Variants in SWAP70 observed in about 807,000 individuals in gnomAD.
The protein encoded by SWAP70 is switch-associated protein 70.
SWAP70 carries 34 observed loss-of-function variants against 80.2 expected under a neutral mutation model. That is an observed-to-expected ratio of 0.42 (90% CI 0.32 to 0.56). SWAP70 has a LOEUF of 0.56. Ranked by LOEUF, SWAP70 falls within the 20% of genes least tolerant of loss-of-function variation. SWAP70 has a pLI of 0.09. For missense variants in SWAP70, 578 were observed against 690.7 expected, an observed-to-expected ratio of 0.84 and a Z score of 1.83; for synonymous variants, 239 against 238.5, an observed-to-expected ratio of 1.00 and a Z score of -0.02.
At position 9,752,802 on chromosome 11, in the gene SWAP70, A is replaced by C. The variant is rs1361481524; in HGVS notation, c.*2832A>C. 1 of 152,346 alleles carries C rather than the reference A, an allele frequency of 6.6e-6. No homozygotes were observed. Among genetic ancestry groups the C allele is most frequent in the East Asian group, 1.9e-4 (1 of 5,192 alleles). The allele number at this position is 152,346 out of a possible 1,614,324, so 9.4% of individuals were successfully genotyped here. ...GTTGAGGGGAAACCAAATATTTATG[A>C]TTTTAAAACATTCGTATGAAAACAT... is the stretch of plus-strand genomic sequence containing the variant. On this transcript the variant is annotated 3_prime_UTR_variant, in exon 12 of 12. Transcript: ENST00000318950.
intron 7 of SWAP70, among the ~76,000 whole-genome samples, chr11:9,737,850 C>G (rs1031897789): frequency 6.6e-6 from 1 of 152,152 alleles, no homozygotes; most frequent in Non-Finnish European, 1.5e-5. Context: ...GAGCCGAGAT[C>G]GTGCCACTGC....
intron 3 of SWAP70, among the ~76,000 whole-genome samples, chr11:9,714,138 G>GA (rs1414244862): frequency 1.3e-5 from 2 of 151,160 alleles, no homozygotes; most frequent in South Asian, 2.1e-4. Flanking sequence ...ACTTCCAAAG[G>GA]AAAAAAATAA....
At chr11:9,743,587 C>G (rs1477566548) in intron 9 of SWAP70, among the ~76,000 whole-genome samples, 1 of 151,538 alleles carries the variant, frequency 6.6e-6, no homozygotes. Flanking sequence ...TTAATGATTG[C>G]CATTCTAACT....
At chr11:9,721,382 G>A (rs1044839222) in intron 3 of SWAP70, among the ~76,000 whole-genome samples, 1 of 151,848 alleles carries the variant, frequency 6.6e-6, no homozygotes, top group Admixed American at 6.6e-5. Context: ...GCTGTTTTTA[G>A]GGTATAAGAT....
chr11:9,703,911 A>G (rs1350602138), intron 2 of SWAP70, among the ~76,000 whole-genome samples: 1 of 152,236 alleles, frequency 6.6e-6, no homozygotes, highest in Non-Finnish European at 1.5e-5. Flanking sequence ...GTTTGAGGTT[A>G]GAAATGTATA....
At chr11:9,744,197 C>T (rs951767951) in intron 9 of SWAP70, among the ~76,000 whole-genome samples, 12 of 152,108 alleles carry the variant, frequency 7.9e-5, no homozygotes, top group African/African-American at 2.9e-4. Flanking sequence ...CTCCTGACCT[C>T]GTGATCCACC....
chr11:9,721,949 ACTG>A (rs1301082413), intron 3 of SWAP70, among the ~76,000 whole-genome samples: 3 of 152,226 alleles, frequency 2.0e-5, no homozygotes, highest in Non-Finnish European at 4.4e-5. Context: ...AATTAAACCT[ACTG>A]TTTCTGACAA....
At position 9,751,026 on chromosome 11, in the gene SWAP70, A is replaced by G. The variant is rs993514577; in HGVS notation, c.*1056A>G. On this transcript the variant is annotated 3_prime_UTR_variant, in exon 12 of 12. Transcript: ENST00000318950. ...TAGTGAATGATGTGCTACCAAGTAT[A>G]TGCCAGGCTGTGAGAGGATTATACT... The G allele has an allele frequency of 2.0e-5, 3 of 152,230 alleles. No homozygotes were observed. The highest frequency in any genetic ancestry group is 1.5e-5 in the Non-Finnish European group (1 of 68,036). The allele number at this position is 152,230 out of a possible 1,614,324, so 9.4% of individuals were successfully genotyped here.
intron 3 of SWAP70, among the ~76,000 whole-genome samples, 183 bp downstream of exon 3, chr11:9,713,822 C>G (rs2134476599): frequency 6.6e-6 from 1 of 152,288 alleles, no homozygotes; most frequent in East Asian, 1.9e-4. Flanking sequence ...GCATGTAATA[C>G]CCCTGGAGAT....
rs1268295172 is a variant in SWAP70 at position 9,752,553 on chromosome 11, A to T, written c.*2583A>T. On this transcript the variant is annotated 3_prime_UTR_variant, in exon 12 of 12. Transcript: ENST00000318950. ...ATCAAAGATAGCACAGAAATGAACT[A>T]AGTATATCCCATTTGGAATTATATT... is the stretch of plus-strand genomic sequence containing the variant. 1 of 152,246 alleles carries T rather than the reference A, an allele frequency of 6.6e-6. No homozygotes were observed. The highest frequency in any genetic ancestry group is 1.5e-5 in the Non-Finnish European group (1 of 68,048). 9.4% of individuals were successfully genotyped at this position (152,246 alleles called of 1,614,324 possible).
intron 2 of SWAP70, among the ~76,000 whole-genome samples, chr11:9,703,729 A>G (rs1180221647): frequency 6.6e-6 from 1 of 152,210 alleles, no homozygotes; most frequent in Non-Finnish European, 1.5e-5. Context: ...CTCTTAGCAT[A>G]GTAACTGGTA....
At chr11:9,665,486 C>T (rs1050860596) in intron 1 of SWAP70, among the ~76,000 whole-genome samples, 10 of 152,146 alleles carry the variant, frequency 6.6e-5, no homozygotes, top group African/African-American at 2.4e-4. Flanking sequence ...ATAACTATCA[C>T]CACAACCATG....
intron 4 of SWAP70, among the ~76,000 whole-genome samples, chr11:9,725,567 ATATT>A (rs1263207114): frequency 7.7e-3 from 132 of 17,240 alleles, no homozygotes; most frequent in Admixed American, 0.018. Flanking sequence ...ATATATATAT[ATATT>A]TTTTTTTTTT....
chr11:9,709,394 A>G (rs901685894), intron 2 of SWAP70, among the ~76,000 whole-genome samples: 1 of 152,220 alleles, frequency 6.6e-6, no homozygotes, highest in Non-Finnish European at 1.5e-5. Context: ...CTCCCAAAGC[A>G]TTGGAATTAT....
At chr11:9,677,675 T>A (rs1191948884) in intron 1 of SWAP70, among the ~76,000 whole-genome samples, 2 of 152,218 alleles carry the variant, frequency 1.3e-5, no homozygotes, top group Non-Finnish European at 2.9e-5. Context: ...GAATTACATG[T>A]CAGCACTGGA....
intron 2 of SWAP70, 24 bp downstream of exon 2, chr11:9,694,310 G>A (rs546630704): frequency 3.8e-6 from 6 of 1,583,270 alleles, no homozygotes; most frequent in African/African-American, 1.4e-5. Context: ...CTTTTTTTGG[G>A]TGTAGCATTG....
intron 1 of SWAP70, among the ~76,000 whole-genome samples, chr11:9,689,006 A>T (rs1230157265): frequency 2.0e-5 from 3 of 152,162 alleles, no homozygotes; most frequent in Non-Finnish European, 2.9e-5. Context: ...TTAATGTTTT[A>T]AAAAAAGATT....
chr11:9,704,642 C>T (rs866776240), intron 2 of SWAP70, among the ~76,000 whole-genome samples: 21 of 152,280 alleles, frequency 1.4e-4, no homozygotes, highest in Middle Eastern at 3.4e-3. Context: ...ATCTGCCTGC[C>T]TTGGACTCCC....
chr11:9,748,011 G>T lies in SWAP70; in HGVS notation c.1509G>T (p.Leu503=). Residue 503 remains leucine, a synonymous_variant, in exon 10 of 12, where the codon CTG becomes CTT. Coordinates refer to ENST00000318950, the MANE Select transcript of SWAP70 (RefSeq NM_015055.4). ...EQALQEAMEQ[L]EQLELERKQA... ...CCCTGCAGGAGGCCATGGAGCAGCTGGAGCAGCTTGAGTTAGAACGGAAGC... is the reference window on the plus strand; with the variant it reads ...CCCTGCAGGAGGCCATGGAGCAGCTTGAGCAGCTTGAGTTAGAACGGAAGC... 1 of 1,614,146 alleles carries T rather than the reference G, an allele frequency of 6.2e-7. No homozygotes were observed. Among genetic ancestry groups the T allele is most frequent in the Non-Finnish European group, 8.5e-7 (1 of 1,179,992 alleles).
Sources: allele counts gnomAD v4.1 joint callset (sites outside exome capture counted in the v4.1 genomes callset), GRCh38; gene constraint gnomAD v4.1.1; transcripts MANE v1.5; gene names NCBI Gene and HGNC (gene_info 2026-07-23, HGNC 2026-07-21).